FTO: variants seen among roughly 807,000 people sequenced by gnomAD.
The protein encoded by FTO is FTO alpha-ketoglutarate dependent dioxygenase, also known as alpha-ketoglutarate-dependent dioxygenase FTO.
In FTO, 47 loss-of-function variants were observed where a neutral mutation model predicts 63.9. The observed-to-expected ratio is 0.74, with a 90% CI of 0.58 to 0.94. The LOEUF (loss-of-function observed/expected upper bound fraction) is 0.94, where lower values mean the gene tolerates loss of function less well. FTO is among the 40% of genes least tolerant of loss of function. FTO has a pLI of 0.00. For missense variants in FTO, 562 were observed against 618.1 expected (o/e 0.91, Z 0.96); for synonymous variants, 207 against 224.4 (o/e 0.92, Z 0.69).
At chr16:53,818,636 GCTAT>G (rs1293675635) in intron 2 of FTO, among the ~76,000 whole-genome samples, 1 of 150,842 alleles carries the variant, frequency 6.6e-6, no homozygotes, top group Non-Finnish European at 1.5e-5. Context: ...TAAACTTTTG[GCTAT>G]CTTTTTATCC....
At chr16:53,747,877 G>C (rs2076685039) in intron 1 of FTO, among the ~76,000 whole-genome samples, 1 of 151,992 alleles carries the variant, frequency 6.6e-6, no homozygotes, top group Non-Finnish European at 1.5e-5. Context: ...TTATTCTTTT[G>C]CATATGGATA....
intron 4 of FTO, among the ~76,000 whole-genome samples, chr16:53,854,132 G>A (rs1400407714): frequency 1.3e-5 from 2 of 152,050 alleles, no homozygotes; most frequent in African/African-American, 2.4e-5. Flanking sequence ...TTTGAGAAAT[G>A]TCTATTCATG....
intron 1 of FTO, among the ~76,000 whole-genome samples, chr16:53,768,382 A>G (rs1016036665): frequency 3.3e-5 from 5 of 152,238 alleles, no homozygotes; most frequent in African/African-American, 1.2e-4. Flanking sequence ...AGTGCCTGGC[A>G]CAGAATGTGT....
chr16:54,081,254 A>G (rs1250570974), intron 8 of FTO, among the ~76,000 whole-genome samples: 1 of 152,214 alleles, frequency 6.6e-6, no homozygotes, highest in African/African-American at 2.4e-5. Flanking sequence ...ACAGGGGCTT[A>G]TGGTTACAGC....
chr16:53,880,937 TAA>T (rs34062544), intron 6 of FTO, among the ~76,000 whole-genome samples: 4,481 of 67,590 alleles, frequency 0.066, 113 homozygotes, highest in African/African-American at 0.14. Context: ...CCGTCTCTAC[TAA>T]AAAAAAAAAA....
Position 54,028,868 on chromosome 16 carries a change from A to G in FTO, c.1365-82894A>G, listed in dbSNP as rs150245714. Among the ~76,000 whole-genome samples, 368 of 152,300 alleles carry G rather than the reference A, an allele frequency of 2.4e-3. 1 individual carries two copies. The highest frequency in any genetic ancestry group is 8.6e-3 in the African/African-American group (359 of 41,580). ...TTCCTCTCTCTACATTGTTATTAGT[A>G]TAAAGATATTTCTTCATTATAGAAA... is the stretch of plus-strand genomic sequence containing the variant. On this transcript the variant is annotated intron_variant, in intron 8 of 8. Transcript: ENST00000471389.
intron 7 of FTO, among the ~76,000 whole-genome samples, chr16:53,902,458 A>G (rs190180132): frequency 8.5e-5 from 13 of 152,270 alleles, no homozygotes; most frequent in African/African-American, 3.1e-4. Context: ...TGCTTGGGAT[A>G]TTTCTCTGAT....
At chr16:53,904,299 T>C (rs1261122346) in intron 7 of FTO, among the ~76,000 whole-genome samples, 1 of 152,150 alleles carries the variant, frequency 6.6e-6, no homozygotes, top group Admixed American at 6.5e-5. Context: ...TGTCAGGTCA[T>C]AGGAGTAGGG....
chr16:53,772,233 T>G (rs2058908), intron 1 of FTO, among the ~76,000 whole-genome samples: 1 of 151,758 alleles, frequency 6.6e-6, no homozygotes. Flanking sequence ...TTTAACCCAC[T>G]CAGACTGGCC....
intron 1 of FTO, among the ~76,000 whole-genome samples, chr16:53,771,765 TG>T (rs1488586706): frequency 6.6e-6 from 1 of 152,080 alleles, no homozygotes; most frequent in Non-Finnish European, 1.5e-5. Context: ...AACCATACAA[TG>T]GAATATTATT....
chr16:53,877,807 A>T (rs2080702662), intron 5 of FTO, among the ~76,000 whole-genome samples: 1 of 151,948 alleles, frequency 6.6e-6, no homozygotes, highest in African/African-American at 2.4e-5. Flanking sequence ...CATCCAGAAA[A>T]AAATTATTCC....
chr16:53,941,992 G>A (rs144979321), intron 8 of FTO, among the ~76,000 whole-genome samples: 92 of 152,316 alleles, frequency 6.0e-4, no homozygotes, highest in Middle Eastern at 3.4e-3. Flanking sequence ...TCAGATTTGT[G>A]AAATACCTTT....
intron 6 of FTO, among the ~76,000 whole-genome samples, chr16:53,882,968 G>T (rs1432862168): frequency 6.6e-6 from 1 of 152,056 alleles, no homozygotes; most frequent in East Asian, 1.9e-4. Flanking sequence ...GTGCCTGATG[G>T]GTGTTCTACT....
intron 1 of FTO, among the ~76,000 whole-genome samples, chr16:53,759,292 A>G (rs7191566): frequency 0.3 from 45,550 of 152,086 alleles, 8,114 homozygotes; most frequent in African/African-American, 0.49. Context: ...GCAATGGAAA[A>G]TAAGAAAGGA....
chr16:53,917,539 T>C (rs939738896), intron 7 of FTO, among the ~76,000 whole-genome samples: 1 of 152,154 alleles, frequency 6.6e-6, no homozygotes, highest in Non-Finnish European at 1.5e-5. Context: ...GTAATAGTTA[T>C]TGTTATGTTT....
intron 8 of FTO, among the ~76,000 whole-genome samples, chr16:54,009,250 A>C (rs958409157): frequency 1.3e-5 from 2 of 152,170 alleles, no homozygotes; most frequent in Non-Finnish European, 2.9e-5. Flanking sequence ...AAGGAAAAAA[A>C]TACTGCAGGA....
At chr16:53,892,033 T>C (rs763412265) in intron 7 of FTO, among the ~76,000 whole-genome samples, 1 of 152,150 alleles carries the variant, frequency 6.6e-6, no homozygotes, top group South Asian at 2.1e-4. Context: ...CCAAATTAAA[T>C]GTAAGCATTG....
In FTO at chr16:54,114,281, C is replaced by G. The variant is rs1319437578; in HGVS notation, c.*2366C>G. ...CATTAATTGTGAACCTGACCTGCAT[C>G]ACCCTTTCATGTCAGTGCTCTCCAA... On this transcript the variant is annotated 3_prime_UTR_variant, in exon 9 of 9. Transcript: ENST00000471389. The G allele has an allele frequency of 5.3e-5, 8 of 152,166 alleles. No homozygotes were observed. The highest frequency in any genetic ancestry group is 1.0e-4 in the Non-Finnish European group (7 of 68,054). The allele number at this position is 152,166 out of a possible 1,614,324, so 9.4% of individuals were successfully genotyped here.
intron 8 of FTO, among the ~76,000 whole-genome samples, chr16:54,094,270 A>G (rs1003239341): frequency 6.6e-6 from 1 of 152,222 alleles, no homozygotes; most frequent in Non-Finnish European, 1.5e-5. Flanking sequence ...TGCAGGCCAT[A>G]CTGCAAGCCT....
Sources: gnomAD v4.1 joint callset for allele counts (sites outside exome capture counted in the v4.1 genomes callset) on GRCh38, gnomAD v4.1.1 for gene constraint, MANE v1.5 for transcripts, NCBI Gene and HGNC (gene_info 2026-07-23, HGNC 2026-07-21) for gene names.